PCDH9: variants seen among roughly 807,000 people sequenced by gnomAD.
The protein encoded by PCDH9 is protocadherin 9.
In PCDH9, 24 loss-of-function variants were observed where a neutral mutation model predicts 70.6. The ratio of observed to expected loss-of-function variants is 0.34; its 90% CI spans 0.25 to 0.48. PCDH9 has a LOEUF of 0.48. Among genes scored for constraint, PCDH9 ranks in the 20% least tolerant of loss-of-function variants. The probability of loss-of-function intolerance (pLI) is 0.99; values close to 1 mark genes in which losing one functional copy is unlikely to be tolerated. For synonymous variants in PCDH9, 562 were observed against 558.5 expected (o/e 1.01, Z -0.09); for missense variants, 1,281 against 1,503.6 (o/e 0.85, Z 2.45).
At chr13:66,550,951 C>T (rs1489069369) in intron 4 of PCDH9, among the ~76,000 whole-genome samples, 1 of 152,168 alleles carries the variant, frequency 6.6e-6, no homozygotes, top group Non-Finnish European at 1.5e-5. Flanking sequence ...GTTTGATTAG[C>T]CCCTTGACAT....
At chr13:66,512,441 C>T (rs1165201207) in intron 4 of PCDH9, among the ~76,000 whole-genome samples, 1 of 151,948 alleles carries the variant, frequency 6.6e-6, no homozygotes, top group African/African-American at 2.4e-5. Flanking sequence ...AATTAGAATG[C>T]AGAAACTATA....
intron 2 of PCDH9, among the ~76,000 whole-genome samples, chr13:67,172,417 G>A (rs2088314132): frequency 6.6e-6 from 1 of 152,140 alleles, no homozygotes; most frequent in Non-Finnish European, 1.5e-5. Flanking sequence ...GGCAGTTAAA[G>A]TATATAATTA....
At chr13:66,744,931 A>C (rs1371627732) in intron 3 of PCDH9, among the ~76,000 whole-genome samples, 1 of 152,144 alleles carries the variant, frequency 6.6e-6, no homozygotes, top group Admixed American at 6.5e-5. Context: ...TCTTTTCTCT[A>C]TTTCTTTCAT....
intron 3 of PCDH9, among the ~76,000 whole-genome samples, chr13:66,707,361 A>G (rs1221950701): frequency 2.0e-5 from 3 of 152,214 alleles, no homozygotes; most frequent in African/African-American, 4.8e-5. Flanking sequence ...ACGCACTTAG[A>G]AAAAAAGCAA....
In PCDH9 at chr13:66,595,327, A is replaced by C. The variant is rs557499937; in HGVS notation, c.3340+35883T>G. On this transcript the variant is annotated intron_variant, in intron 4 of 4. Transcript: ENST00000377865. ...TTATCTTCTGGACAAAATCCAATTA[A>C]CCAACACACATGATCACCCCAATTG... 7.9e-5 allele frequency among the ~76,000 whole-genome samples: 12 copies of C among 151,828 alleles called. No homozygotes were observed. The South Asian group carries it at 1.9e-3, about 24-fold the overall frequency.
At chr13:66,916,594 T>C (rs1032538547) in intron 2 of PCDH9, among the ~76,000 whole-genome samples, 18 of 151,646 alleles carry the variant, frequency 1.2e-4, no homozygotes, top group African/African-American at 4.3e-4. Flanking sequence ...GTGAATACAA[T>C]AAAAATATAG....
At chr13:67,120,609 T>C (rs2086858345) in intron 2 of PCDH9, among the ~76,000 whole-genome samples, 1 of 152,196 alleles carries the variant, frequency 6.6e-6, no homozygotes, top group Admixed American at 6.5e-5. Flanking sequence ...TGTTTTATTA[T>C]TGCTTACATA....
chr13:66,506,024 C>G (rs1332905423), intron 4 of PCDH9, among the ~76,000 whole-genome samples: 1 of 152,138 alleles, frequency 6.6e-6, no homozygotes, highest in Non-Finnish European at 1.5e-5. Context: ...TCATATAATT[C>G]TTACATGTAT....
At chr13:66,535,658 C>T (rs1233060377) in intron 4 of PCDH9, among the ~76,000 whole-genome samples, 1 of 152,018 alleles carries the variant, frequency 6.6e-6, no homozygotes, top group Non-Finnish European at 1.5e-5. Context: ...TCCCCTTTAC[C>T]AGCTAGAAAG....
chr13:66,779,581 G>A (rs988637793), intron 3 of PCDH9, among the ~76,000 whole-genome samples: 13 of 152,046 alleles, frequency 8.6e-5, no homozygotes, highest in Non-Finnish European at 1.3e-4. Flanking sequence ...CCAGCACTTT[G>A]GGAGGCGGAG....
intron 3 of PCDH9, among the ~76,000 whole-genome samples, chr13:66,769,400 A>G (rs762362746): frequency 5.3e-5 from 8 of 152,210 alleles, no homozygotes; most frequent in Non-Finnish European, 7.4e-5. Context: ...ATAGCACTAC[A>G]ATGAAAGTAG....
At chr13:66,604,952 C>A (rs2077205493) in intron 4 of PCDH9, among the ~76,000 whole-genome samples, 1 of 151,940 alleles carries the variant, frequency 6.6e-6, no homozygotes, top group Non-Finnish European at 1.5e-5. Context: ...TGGTCATGTG[C>A]TCATCAAATG....
At chr13:66,635,130 A>G (rs1490020199) in intron 3 of PCDH9, among the ~76,000 whole-genome samples, 1 of 152,192 alleles carries the variant, frequency 6.6e-6, no homozygotes. Context: ...CTGGCTGAAG[A>G]GGGACAACAC....
intron 4 of PCDH9, among the ~76,000 whole-genome samples, chr13:66,575,983 A>T (rs1448726576): frequency 6.6e-6 from 1 of 151,966 alleles, no homozygotes; most frequent in Non-Finnish European, 1.5e-5. Flanking sequence ...CAAAAAAGTC[A>T]CCAGATTAAA....
At chr13:66,631,167 AC>A (rs2077566474) in intron 4 of PCDH9, 42 bp downstream of exon 4, 1 of 1,006,212 alleles carries the variant, frequency 9.9e-7, no homozygotes, top group Non-Finnish European at 1.6e-6. Context: ...GCACTACAAA[AC>A]CAGAACAACT....
At chr13:67,007,480 A>G (rs2084375233) in intron 2 of PCDH9, among the ~76,000 whole-genome samples, 1 of 152,116 alleles carries the variant, frequency 6.6e-6, no homozygotes, top group Non-Finnish European at 1.5e-5. Context: ...CAAAATGTAA[A>G]AGTTATTAGT....
At chr13:66,653,633 A>G (rs1353807791) in intron 3 of PCDH9, among the ~76,000 whole-genome samples, 1 of 152,058 alleles carries the variant, frequency 6.6e-6, no homozygotes, top group African/African-American at 2.4e-5. Flanking sequence ...AAATAGAGCT[A>G]CCATATGATC....
intron 3 of PCDH9, among the ~76,000 whole-genome samples, chr13:66,719,249 A>AT (rs67005482): frequency 0.13 from 19,659 of 151,726 alleles, 1,399 homozygotes; most frequent in African/African-American, 0.18. Flanking sequence ...TCAATTCCTC[A>AT]TTTTTTTTCA....
chr13:66,938,769 A>C (rs2082958606), intron 2 of PCDH9, among the ~76,000 whole-genome samples: 1 of 152,168 alleles, frequency 6.6e-6, no homozygotes, highest in Non-Finnish European at 1.5e-5. Context: ...AAATTAATAT[A>C]ATCACGCTTT....
Sources: gnomAD v4.1 joint callset for allele counts (sites outside exome capture counted in the v4.1 genomes callset) on GRCh38, gnomAD v4.1.1 for gene constraint, MANE v1.5 for transcripts, NCBI Gene and HGNC (gene_info 2026-07-23, HGNC 2026-07-21) for gene names.